The following RGS17 variants were observed in gnomAD, a reference collection of about 807,000 sequenced individuals.
RGS17 encodes the protein regulator of G protein signaling 17.
Under a neutral mutation model 25.5 loss-of-function variants are expected in RGS17, and 12 were observed. The observed-to-expected ratio is 0.47, with a 90% CI of 0.30 to 0.76. RGS17 has a LOEUF of 0.76. Among genes scored for constraint, RGS17 ranks in the 30% least tolerant of loss-of-function variants. The probability of loss-of-function intolerance (pLI) is 0.07; values close to 1 mark genes in which losing one functional copy is unlikely to be tolerated. For synonymous variants in RGS17, 71 were observed against 76.9 expected, an observed-to-expected ratio of 0.92 and a Z score of 0.40; for missense variants, 196 against 242.2, an observed-to-expected ratio of 0.81 and a Z score of 1.27.
Position 153,025,619 on chromosome 6 carries a change from GAAGT to G in RGS17, c.209+831_209+834del, listed in dbSNP as rs571863306. On this transcript the variant is annotated intron_variant, in intron 3 of 4. Transcript: ENST00000206262. ...CCAATCTAAAAGACATTTGGCCAAA[GAAGT>G]ATGTTTATATATATATATAAACATA... Among the ~76,000 whole-genome samples the G allele has an allele frequency of 3.2e-4, 47 of 146,750 alleles. No homozygotes were observed. The East Asian group carries it at 6.6e-3, about 20-fold the overall frequency.
chr6:153,084,932 C>G (rs965171076), intron 1 of RGS17, among the ~76,000 whole-genome samples: 1 of 152,002 alleles, frequency 6.6e-6, no homozygotes, highest in African/African-American at 2.4e-5. Context: ...TTTTTGAGTA[C>G]GTTTGTATGC....
intron 1 of RGS17, among the ~76,000 whole-genome samples, chr6:153,062,705 C>T (rs910944391): frequency 6.6e-6 from 1 of 152,140 alleles, no homozygotes; most frequent in African/African-American, 2.4e-5. Context: ...CCACAGGCTG[C>T]ACAGCTTGTG....
intron 1 of RGS17, among the ~76,000 whole-genome samples, chr6:153,118,722 T>C (rs1202261876): frequency 2.2e-5 from 3 of 136,642 alleles, no homozygotes; most frequent in Non-Finnish European, 4.6e-5. Flanking sequence ...AGATGATGTA[T>C]AAATCATTAA....
rs1291853090 is a variant in RGS17, at chr6:153,066,238, C to G, written c.-25-22195G>C. Among the ~76,000 whole-genome samples the G allele has an allele frequency of 7.9e-5, 12 of 151,914 alleles. No individual in the cohort carries two copies. In the South Asian group the frequency reaches 1.5e-3, roughly 18 times the overall value. On this transcript the variant is annotated intron_variant, in intron 1 of 4. Transcript: ENST00000206262. Reference sequence around the variant, plus strand: ...ACCACGATTGAACCAGAAAGAAATCCAAAATCAGAACAGATGAGGAGAAAA... The same window carrying G: ...ACCACGATTGAACCAGAAAGAAATCGAAAATCAGAACAGATGAGGAGAAAA...
intron 4 of RGS17, among the ~76,000 whole-genome samples, chr6:153,015,300 G>A (rs1177104755): frequency 6.6e-6 from 1 of 152,188 alleles, no homozygotes; most frequent in African/African-American, 2.4e-5. Context: ...CTCCTATTTT[G>A]AAAGAAGCTC....
At chr6:153,024,567 A>T in intron 3 of RGS17, 71 bp from the exon 4 acceptor site, 1 of 1,113,154 alleles carries the variant, frequency 9.0e-7, no homozygotes, top group Non-Finnish European at 1.3e-6. Flanking sequence ...AGGTAAGGAG[A>T]GGAGCAGATA....
intron 1 of RGS17, among the ~76,000 whole-genome samples, chr6:153,048,934 T>G (rs1251043925): frequency 6.6e-6 from 1 of 152,222 alleles, no homozygotes; most frequent in Non-Finnish European, 1.5e-5. Flanking sequence ...TGTTCATTGT[T>G]GTAACAATGC....
At chr6:153,123,638 G>A (rs1161233937) in intron 1 of RGS17, among the ~76,000 whole-genome samples, 1 of 152,124 alleles carries the variant, frequency 6.6e-6, no homozygotes, top group Non-Finnish European at 1.5e-5. Context: ...CCAAACTGAG[G>A]ATTCTGGGGT....
At chr6:153,070,645 C>T (rs1486916947) in intron 1 of RGS17, among the ~76,000 whole-genome samples, 4 of 148,084 alleles carry the variant, frequency 2.7e-5, no homozygotes, top group Admixed American at 2.0e-4. Context: ...TGTATATATA[C>T]AGCCATCCCT....
intron 1 of RGS17, among the ~76,000 whole-genome samples, chr6:153,110,992 G>C (rs990317130): frequency 6.6e-6 from 1 of 151,846 alleles, no homozygotes; most frequent in East Asian, 1.9e-4. Context: ...CCTGGGTTTC[G>C]AGCACAAAAC....
chr6:153,021,236 T>A (rs1779245003), intron 4 of RGS17, among the ~76,000 whole-genome samples: 1 of 152,218 alleles, frequency 6.6e-6, no homozygotes. Flanking sequence ...TGCACCTGAA[T>A]ATTAGTCCAG....
chr6:153,051,477 TAAC>T (rs1776460816), intron 1 of RGS17, among the ~76,000 whole-genome samples: 1 of 152,216 alleles, frequency 6.6e-6, no homozygotes, highest in Non-Finnish European at 1.5e-5. Context: ...TTATCTTCAT[TAAC>T]ACTAAATTTC....
chr6:153,056,811 G>A (rs1245723779), intron 1 of RGS17, among the ~76,000 whole-genome samples: 3 of 149,818 alleles, frequency 2.0e-5, no homozygotes, highest in East Asian at 3.9e-4. Flanking sequence ...TTTTCCAATA[G>A]GATTGAAAAA....
At position 153,011,553 on chromosome 6, in the gene RGS17, A is replaced by G. The variant is rs1779133056; in HGVS notation, c.*21T>C. On this transcript the variant is annotated 3_prime_UTR_variant, in exon 5 of 5. Transcript: ENST00000206262. ...TTATTTCCCATCTCAGCCCTCCAAAATGATTGTTTTTAAATGAACATTAAG... is the reference window on the plus strand; with the variant it reads ...TTATTTCCCATCTCAGCCCTCCAAAGTGATTGTTTTTAAATGAACATTAAG... 22 of 1,540,138 alleles carry G rather than the reference A, an allele frequency of 1.4e-5. No homozygotes were observed. Among genetic ancestry groups the G allele is most frequent in the Non-Finnish European group, 1.7e-5 (19 of 1,122,988 alleles).
At chr6:153,067,500 T>C (rs1195213031) in intron 1 of RGS17, among the ~76,000 whole-genome samples, 2 of 152,106 alleles carry the variant, frequency 1.3e-5, no homozygotes, top group African/African-American at 2.4e-5. Flanking sequence ...TCAGTAGCAT[T>C]TCTACATGCC....
chr6:153,058,809 A>G (rs1260448861), intron 1 of RGS17, among the ~76,000 whole-genome samples: 1 of 152,130 alleles, frequency 6.6e-6, no homozygotes, highest in Non-Finnish European at 1.5e-5. Context: ...CAAGCTTTCA[A>G]TGTCACTTCT....
At chr6:153,016,821 C>A (rs576106729) in intron 4 of RGS17, among the ~76,000 whole-genome samples, 21 of 152,304 alleles carry the variant, frequency 1.4e-4, no homozygotes, top group African/African-American at 5.1e-4. Context: ...CTTGTGCCAT[C>A]TTTGTGCTTC....
intron 1 of RGS17, among the ~76,000 whole-genome samples, chr6:153,108,274 C>A (rs1777414538): frequency 6.6e-6 from 1 of 152,180 alleles, no homozygotes; most frequent in Non-Finnish European, 1.5e-5. Context: ...GGAACATATT[C>A]CTTTAGGTTT....
intron 1 of RGS17, among the ~76,000 whole-genome samples, chr6:153,120,885 C>T (rs577609383): frequency 3.3e-5 from 5 of 152,100 alleles, no homozygotes; most frequent in Non-Finnish European, 5.9e-5. Context: ...TTCAATAATC[C>T]GAGAAAATGT....
Sources: gnomAD v4.1 joint callset for allele counts (sites outside exome capture counted in the v4.1 genomes callset) on GRCh38, gnomAD v4.1.1 for gene constraint, MANE v1.5 for transcripts, NCBI Gene and HGNC (gene_info 2026-07-23, HGNC 2026-07-21) for gene names.